The following SRPK2 variants were observed in gnomAD, a reference collection of about 807,000 sequenced individuals.
SRPK2 encodes SRSF protein kinase 2.
SRPK2 carries 21 observed loss-of-function variants against 90.8 expected under a neutral mutation model. The ratio of observed to expected loss-of-function variants is 0.23; its 90% confidence interval spans 0.16 to 0.33. The LOEUF (loss-of-function observed/expected upper bound fraction) is 0.33, where lower values mean the gene tolerates loss of function less well. Among genes scored for constraint, SRPK2 ranks in the 10% least tolerant of loss-of-function variants. The pLI is 1.00. For missense variants in SRPK2, 620 were observed against 869.0 expected, an observed-to-expected ratio of 0.71 and a Z score of 3.60; for synonymous variants, 288 against 311.1, an observed-to-expected ratio of 0.93 and a Z score of 0.78.
intron 2 of SRPK2, among the ~76,000 whole-genome samples, chr7:105,289,354 TATACTTAAAA>T (rs1282114688): frequency 6.6e-6 from 1 of 152,134 alleles, no homozygotes; most frequent in Admixed American, 6.6e-5. Flanking sequence ...ACTCTCAGTG[TATACTTAAAA>T]ATAAAGACAT....
intron 7 of SRPK2, chr7:105,160,252 T>TAAA: frequency 2.9e-5 from 7 of 242,486 alleles, no homozygotes; most frequent in South Asian, 1.5e-4. Flanking sequence ...TCACATACCT[T>TAAA]AAAAAAAAAA....
At chr7:105,344,559 T>C (rs1372708929) in intron 2 of SRPK2, among the ~76,000 whole-genome samples, 1 of 151,818 alleles carries the variant, frequency 6.6e-6, no homozygotes, top group Non-Finnish European at 1.5e-5. Flanking sequence ...TCCTGTAATG[T>C]CACAAAATCT....
At chr7:105,323,275 C>T (rs1298405966) in intron 2 of SRPK2, among the ~76,000 whole-genome samples, 1 of 152,086 alleles carries the variant, frequency 6.6e-6, no homozygotes, top group Non-Finnish European at 1.5e-5. Flanking sequence ...GACAAAAATG[C>T]TAGAGAAAAG....
intron 2 of SRPK2, among the ~76,000 whole-genome samples, chr7:105,364,904 A>G (rs1377886550): frequency 6.6e-6 from 1 of 152,134 alleles, no homozygotes; most frequent in East Asian, 1.9e-4. Context: ...CAAAGCATCA[A>G]TGGAATCAAT....
At chr7:105,287,329 C>T (rs7806591) in intron 2 of SRPK2, among the ~76,000 whole-genome samples, 107,533 of 148,452 alleles carry the variant, frequency 0.72, 39,346 homozygotes, top group African/African-American at 0.84. Context: ...TAAACATATC[C>T]AAAACATAAC....
chr7:105,153,259 C>G (rs1805996452), intron 7 of SRPK2, among the ~76,000 whole-genome samples: 1 of 152,180 alleles, frequency 6.6e-6, no homozygotes, highest in African/African-American at 2.4e-5. Flanking sequence ...AAGGCTAAGT[C>G]TAGGGCTGGG....
At chr7:105,127,901 T>C (rs1801434772) in intron 13 of SRPK2, among the ~76,000 whole-genome samples, 1 of 152,238 alleles carries the variant, frequency 6.6e-6, no homozygotes, top group Non-Finnish European at 1.5e-5. Flanking sequence ...TCTGAACGGA[T>C]CTTGCTGTCC....
At chr7:105,193,891 T>C (rs2129606846) in intron 3 of SRPK2, among the ~76,000 whole-genome samples, 1 of 152,212 alleles carries the variant, frequency 6.6e-6, no homozygotes, top group Non-Finnish European at 1.5e-5. Flanking sequence ...AAGTCAAAGG[T>C]TTTATGTGTA....
chr7:105,298,767 G>C (rs989823938), intron 2 of SRPK2: 2 of 985,432 alleles, frequency 2.0e-6, no homozygotes, highest in Non-Finnish European at 2.4e-6. Flanking sequence ...AGAGGCACAG[G>C]GCCCACTCCA....
intron 6 of SRPK2, among the ~76,000 whole-genome samples, chr7:105,165,556 T>C (rs1024805412): frequency 6.6e-6 from 1 of 152,116 alleles, no homozygotes; most frequent in African/African-American, 2.4e-5. Context: ...CAGCACTCTG[T>C]AAAAACGCAC....
At chr7:105,244,871 CAAG>C (rs1196859807) in intron 2 of SRPK2, 1 of 1,283,700 alleles carries the variant, frequency 7.8e-7, no homozygotes, top group African/African-American at 1.5e-5. Flanking sequence ...TCAAGTTCAT[CAAG>C]AAAAGGGTGT....
intron 6 of SRPK2, 78 bp downstream of exon 6, chr7:105,167,299 A>G: frequency 1.6e-6 from 2 of 1,233,570 alleles, no homozygotes; most frequent in Middle Eastern, 2.0e-4. Flanking sequence ...TACAGCAGTA[A>G]ACAGAGATTA....
At chr7:105,253,912 CA>C (rs35988511) in intron 2 of SRPK2, among the ~76,000 whole-genome samples, 123,356 of 151,514 alleles carry the variant, frequency 0.81, 50,818 homozygotes, top group Non-Finnish European at 0.86. Context: ...AACAAACAAA[CA>C]AAAAAAAACA....
At chr7:105,316,171 C>G (rs1012219216) in intron 2 of SRPK2, among the ~76,000 whole-genome samples, 6 of 151,906 alleles carry the variant, frequency 3.9e-5, no homozygotes, top group African/African-American at 1.5e-4. Context: ...ATTACGGGCA[C>G]CCGCCATGAT....
intron 3 of SRPK2, among the ~76,000 whole-genome samples, chr7:105,173,691 G>A (rs1191158477): frequency 6.6e-6 from 1 of 152,122 alleles, no homozygotes; most frequent in Non-Finnish European, 1.5e-5. Flanking sequence ...ACAGTCACTA[G>A]ACAAAGACTC....
At chr7:105,371,323 A>T (rs559896757) in intron 2 of SRPK2, among the ~76,000 whole-genome samples, 1 of 152,272 alleles carries the variant, frequency 6.6e-6, no homozygotes, top group African/African-American at 2.4e-5. Flanking sequence ...AAAAAAATCA[A>T]GTTAGTCATT....
At chr7:105,242,047 C>A (rs1466085745) in intron 2 of SRPK2, among the ~76,000 whole-genome samples, 1 of 152,170 alleles carries the variant, frequency 6.6e-6, no homozygotes, top group Non-Finnish European at 1.5e-5. Context: ...TTTAAATATT[C>A]CCATTGTCAT....
At chr7:105,395,320 C>G (rs1822292104) in intron 1 of SRPK2, among the ~76,000 whole-genome samples, 1 of 151,676 alleles carries the variant, frequency 6.6e-6, no homozygotes, top group Non-Finnish European at 1.5e-5. Flanking sequence ...TGAGACCCCC[C>G]CACCTCTATC....
At chr7:105,317,603 G>C (rs1812451661) in intron 2 of SRPK2, among the ~76,000 whole-genome samples, 1 of 152,130 alleles carries the variant, frequency 6.6e-6, no homozygotes, top group Non-Finnish European at 1.5e-5. Flanking sequence ...ACAGGATGGG[G>C]TTGAATATTT....
Sources: gnomAD v4.1 joint callset for allele counts (sites outside exome capture counted in the v4.1 genomes callset) on GRCh38, gnomAD v4.1.1 for gene constraint, MANE v1.5 for transcripts, NCBI Gene and HGNC (gene_info 2026-07-23, HGNC 2026-07-21) for gene names.